DPP10: variants seen among roughly 807,000 people sequenced by gnomAD.
The protein encoded by DPP10 is inactive dipeptidyl peptidase 10.
A neutral mutation model predicts 120.9 loss-of-function variants in DPP10; 33 were observed. That is an observed-to-expected ratio of 0.27 (90% CI 0.21 to 0.37). The LOEUF (loss-of-function observed/expected upper bound fraction) is 0.37. Among genes scored for constraint, DPP10 ranks in the 10% least tolerant of loss-of-function variants. The pLI, the probability that DPP10 is intolerant of heterozygous loss-of-function variation, is 1.00. For missense variants in DPP10, 816 were observed against 942.8 expected (o/e 0.87, Z 1.76); for synonymous variants, 337 against 326.1 (o/e 1.03, Z -0.36).
chr2:115,043,994 T>C (rs950553153), intron 1 of DPP10, among the ~76,000 whole-genome samples: 2 of 152,148 alleles, frequency 1.3e-5, no homozygotes, highest in Admixed American at 1.3e-4. Context: ...CACATCAGGG[T>C]AAATGAGATA....
At chr2:114,887,628 A>C (rs1430995142) in intron 1 of DPP10, among the ~76,000 whole-genome samples, 1 of 152,216 alleles carries the variant, frequency 6.6e-6, no homozygotes, top group Non-Finnish European at 1.5e-5. Flanking sequence ...TTAATGATGT[A>C]TACTTCAGAG....
chr2:114,857,693 C>A (rs1239142032), intron 1 of DPP10, among the ~76,000 whole-genome samples: 1 of 152,116 alleles, frequency 6.6e-6, no homozygotes, highest in Non-Finnish European at 1.5e-5. Flanking sequence ...ATGGCAAAAA[C>A]CACAATTACT....
intron 3 of DPP10, among the ~76,000 whole-genome samples, chr2:115,392,046 T>A (rs1485346631): frequency 6.6e-6 from 1 of 152,208 alleles, no homozygotes. Context: ...CATCTTCTCA[T>A]CTGTATAATA....
intron 7 of DPP10, among the ~76,000 whole-genome samples, chr2:115,699,036 C>CAAATTCCTAAAATAAGA (rs2091753200): frequency 2.0e-5 from 1 of 50,788 alleles, no homozygotes. Flanking sequence ...AAAAAAAAAA[C>CAAATTCCTAAAATAAGA]AAAAAAAAAA....
At chr2:115,351,342 T>C (rs2420819) in intron 3 of DPP10, among the ~76,000 whole-genome samples, 101,211 of 151,850 alleles carry the variant, frequency 0.67, 34,028 homozygotes, top group Admixed American at 0.74. Context: ...GACGTAACGA[T>C]AGGAACAACA....
At chr2:115,642,210 C>A (rs559477424) in intron 5 of DPP10, among the ~76,000 whole-genome samples, 2 of 151,724 alleles carry the variant, frequency 1.3e-5, no homozygotes, top group Non-Finnish European at 2.9e-5. Flanking sequence ...CTTAAAACAC[C>A]GAGATGGTTA....
chr2:115,046,109 A>G (rs1352445318), intron 1 of DPP10, among the ~76,000 whole-genome samples: 1 of 152,148 alleles, frequency 6.6e-6, no homozygotes, highest in East Asian at 1.9e-4. Flanking sequence ...AAAAGCAATG[A>G]TAATCAACAT....
At chr2:114,687,784 A>G (rs898783370) in intron 1 of DPP10, among the ~76,000 whole-genome samples, 7 of 152,106 alleles carry the variant, frequency 4.6e-5, no homozygotes, top group Admixed American at 4.6e-4. Context: ...GTCATGTGCT[A>G]GACTCTGGTC....
At chr2:115,670,451 A>G (rs1012086491) in intron 5 of DPP10, among the ~76,000 whole-genome samples, 4 of 150,530 alleles carry the variant, frequency 2.7e-5, no homozygotes, top group Non-Finnish European at 4.4e-5. Context: ...AACTGTGTTC[A>G]CCATGCCAAT....
intron 1 of DPP10, among the ~76,000 whole-genome samples, chr2:114,693,914 A>C (rs992590783): frequency 6.6e-6 from 1 of 151,928 alleles, no homozygotes; most frequent in Non-Finnish European, 1.5e-5. Context: ...GATGTACCAC[A>C]CTGTTTACAA....
intron 1 of DPP10, among the ~76,000 whole-genome samples, chr2:114,808,072 G>A (rs937138321): frequency 3.3e-5 from 5 of 152,258 alleles, no homozygotes; most frequent in African/African-American, 1.2e-4. Context: ...AGCAGCGCTG[G>A]ACAGAAACAC....
chr2:114,685,959 A>G (rs1243980814), intron 1 of DPP10, among the ~76,000 whole-genome samples: 2 of 151,894 alleles, frequency 1.3e-5, no homozygotes, highest in Non-Finnish European at 2.9e-5. Context: ...GTTCTTTAAT[A>G]TTGTTCTCAT....
chr2:115,124,971 A>T (rs2049997562), intron 1 of DPP10, among the ~76,000 whole-genome samples: 1 of 152,020 alleles, frequency 6.6e-6, no homozygotes, highest in South Asian at 2.1e-4. Context: ...CATCCTAACC[A>T]CTCCTTTTAC....
At chr2:114,830,079 C>G (rs1372765149) in intron 1 of DPP10, among the ~76,000 whole-genome samples, 1 of 152,098 alleles carries the variant, frequency 6.6e-6, no homozygotes, top group Non-Finnish European at 1.5e-5. Flanking sequence ...CTCACGGGCT[C>G]CTCACCCTAA....
At chr2:115,382,473 A>T (rs1329935004) in intron 3 of DPP10, among the ~76,000 whole-genome samples, 1 of 152,088 alleles carries the variant, frequency 6.6e-6, no homozygotes, top group East Asian at 1.9e-4. Flanking sequence ...CTTCCTATTG[A>T]GATGAACCTG....
rs189204906 is a variant in DPP10, at chr2:115,781,427, G to C, written c.1483+432G>C. On this transcript the variant is annotated intron_variant, in intron 16 of 25. Transcript: ENST00000410059. ...GGAAATTGAATTCCCCTGCTTCAGA[G>C]TTCTTCAGTTCTGATCAATTACATT... Among the ~76,000 whole-genome samples the C allele has an allele frequency of 1.8e-4, 28 of 152,006 alleles. 2 individuals are homozygous for C. The highest frequency in any genetic ancestry group is 6.5e-4 in the African/African-American group (27 of 41,572).
intron 1 of DPP10, among the ~76,000 whole-genome samples, chr2:114,521,837 T>C (rs1361545858): frequency 1.4e-5 from 2 of 144,096 alleles, no homozygotes; most frequent in East Asian, 4.2e-4. Context: ...AGATGGAGTC[T>C]CGCTCTGTCG....
intron 1 of DPP10, among the ~76,000 whole-genome samples, chr2:114,484,969 A>C (rs2104698937): frequency 6.6e-6 from 1 of 151,876 alleles, no homozygotes; most frequent in African/African-American, 2.4e-5. Flanking sequence ...CGGGTTTCAA[A>C]GGTTAAAAAA....
chr2:115,017,134 C>G (rs939734586), intron 1 of DPP10, among the ~76,000 whole-genome samples: 1 of 151,068 alleles, frequency 6.6e-6, no homozygotes, highest in African/African-American at 2.4e-5. Context: ...GTGCAGCACA[C>G]CAGCATGGCA....
Sources: gnomAD v4.1 joint callset for allele counts (sites outside exome capture counted in the v4.1 genomes callset) on GRCh38, gnomAD v4.1.1 for gene constraint, MANE v1.5 for transcripts, NCBI Gene and HGNC (gene_info 2026-07-23, HGNC 2026-07-21) for gene names.